Variants in ARMC2 observed in about 807,000 individuals in gnomAD.
ARMC2 encodes the protein armadillo repeat-containing protein 2.
In ARMC2, 67 loss-of-function variants were observed where a neutral mutation model predicts 90.3. The ratio of observed to expected loss-of-function variants is 0.74; its 90% confidence interval spans 0.61 to 0.91. ARMC2 has a LOEUF of 0.91. Among genes scored for constraint, ARMC2 ranks in the 40% least tolerant of loss-of-function variants. The probability of loss-of-function intolerance (pLI) is 0.00; values close to 1 mark genes in which losing one functional copy is unlikely to be tolerated. For synonymous variants in ARMC2, 393 were observed against 393.0 expected, an observed-to-expected ratio of 1.00 and a Z score of 0.00; for missense variants, 920 against 1,030.9, an observed-to-expected ratio of 0.89 and a Z score of 1.47.
the ARMC2 span, chr6:108,988,717 A>C: frequency 6.5e-7 from 1 of 1,543,662 alleles, no homozygotes; most frequent in Non-Finnish European, 8.8e-7. Flanking sequence ...GAATTATGAT[A>C]TTTTCAGTGT....
intron 4 of ARMC2, among the ~76,000 whole-genome samples, chr6:108,870,200 C>T (rs1333706056): frequency 6.6e-6 from 1 of 152,164 alleles, no homozygotes; most frequent in Admixed American, 6.5e-5. Context: ...CAGCCCCCAC[C>T]TGAGCATCAT....
chr6:109,038,330 TAAAAATACA>T, the ARMC2 span, among the ~76,000 whole-genome samples: 2 of 152,196 alleles, frequency 1.3e-5, no homozygotes, highest in African/African-American at 4.8e-5. Context: ...TCGTCTCTAC[TAAAAATACA>T]AAATTAGCTA....
intron 8 of ARMC2, among the ~76,000 whole-genome samples, chr6:108,908,764 AAGAG>A (rs772080818): frequency 1.6e-4 from 24 of 151,770 alleles, no homozygotes; most frequent in South Asian, 8.3e-4. Context: ...AAAAAAAGAA[AAGAG>A]AGAGAGAGAG....
chr6:109,003,517 C>A, the ARMC2 span, among the ~76,000 whole-genome samples: 7 of 152,008 alleles, frequency 4.6e-5, no homozygotes, highest in Non-Finnish European at 8.8e-5. Context: ...TATTAGGAGA[C>A]ATCAAGATTC....
the ARMC2 span, chr6:108,990,808 A>T: frequency 6.2e-7 from 1 of 1,614,032 alleles, no homozygotes; most frequent in Non-Finnish European, 8.5e-7. Flanking sequence ...TTTACCAAAG[A>T]ATAACCATGA....
Position 108,928,179 on chromosome 6 carries a change from T to A in ARMC2, c.1442T>A (p.Met481Lys), listed in dbSNP as rs768638704. 2.5e-6 allele frequency: 4 copies of A among 1,612,900 alleles called. No homozygotes were observed. The Admixed American group carries it at 6.7e-5, about 27-fold the overall frequency. Residue 481 changes from methionine (M) to lysine (K), a missense_variant, in exon 11 of 18, where the codon ATG becomes AAG. Physicochemically the swap from Met to Lys is moderately conservative, Grantham distance 95. Transcript: ENST00000392644. Reference protein sequence around the residue: ...ISALPQLCTAMEQYKGDKDVC... With the variant: ...ISALPQLCTAKEQYKGDKDVC... ...GCCCTTCCCCAGCTCTGCACGGCAATGGAACAGTACAAGGGTGACAAGGAC... is the reference window on the plus strand; with the variant it reads ...GCCCTTCCCCAGCTCTGCACGGCAAAGGAACAGTACAAGGGTGACAAGGAC...
At chr6:108,963,853 C>T (rs1778165590) in intron 15 of ARMC2, among the ~76,000 whole-genome samples, 1 of 152,168 alleles carries the variant, frequency 6.6e-6, no homozygotes, top group Non-Finnish European at 1.5e-5. Flanking sequence ...TAGGAACACC[C>T]TTGAGAATAA....
At chr6:108,925,063 C>T (rs992154119) in intron 10 of ARMC2, among the ~76,000 whole-genome samples, 11 of 152,178 alleles carry the variant, frequency 7.2e-5, no homozygotes, top group East Asian at 1.9e-4. Flanking sequence ...TTCTTTCATC[C>T]GTTATTTTTT....
intron 12 of ARMC2, among the ~76,000 whole-genome samples, chr6:108,943,645 T>A (rs553150868): frequency 7.9e-5 from 12 of 151,840 alleles, no homozygotes; most frequent in Admixed American, 3.3e-4. Flanking sequence ...ATGGTAAAAC[T>A]CTGTCTCTAC....
At chr6:108,856,479 C>G (rs1004326115) in intron 2 of ARMC2, 2 of 215,658 alleles carry the variant, frequency 9.3e-6, no homozygotes, top group African/African-American at 2.3e-5. Context: ...GAGACCTACC[C>G]ATTACCCTAG....
the ARMC2 span, among the ~76,000 whole-genome samples, chr6:109,052,444 C>T: frequency 1.3e-5 from 2 of 152,266 alleles, no homozygotes; most frequent in East Asian, 3.9e-4. Context: ...TTATAACACA[C>T]TGGTATATTT....
chr6:108,930,200 A>G (rs954859812), intron 11 of ARMC2, among the ~76,000 whole-genome samples: 9 of 151,652 alleles, frequency 5.9e-5, no homozygotes, highest in African/African-American at 2.2e-4. Flanking sequence ...TTGCATTGAT[A>G]GCTCTTTAAA....
chr6:108,989,583 A>C, the ARMC2 span, among the ~76,000 whole-genome samples: 1 of 151,302 alleles, frequency 6.6e-6, no homozygotes, highest in Non-Finnish European at 1.5e-5. Flanking sequence ...ATATCTATAT[A>C]TAGAGAGAGA....
At chr6:108,950,976 A>C (rs1167801417) in intron 12 of ARMC2, among the ~76,000 whole-genome samples, 1 of 152,162 alleles carries the variant, frequency 6.6e-6, no homozygotes, top group Non-Finnish European at 1.5e-5. Flanking sequence ...GTTTATTGCT[A>C]TTAGTTAGCA....
chr6:109,028,895 T>C, the ARMC2 span, among the ~76,000 whole-genome samples: 1 of 152,128 alleles, frequency 6.6e-6, no homozygotes, highest in African/African-American at 2.4e-5. Context: ...TGGTACAGGA[T>C]TGCGCATGGT....
Position 108,921,690 on chromosome 6 carries a change from C to T in ARMC2, c.1351-6398C>T, listed in dbSNP as rs577812590. ...CACAAGTTCAAAGAAATGAATCTGC[C>T]TTTATTAATAGAGGGAGATGGCTTA... is the stretch of plus-strand genomic sequence containing the variant. On this transcript the variant is annotated intron_variant, in intron 10 of 17. Coordinates refer to ENST00000392644, the MANE Select transcript of ARMC2 (RefSeq NM_032131.6). 3.3e-4 allele frequency among the ~76,000 whole-genome samples: 51 copies of T among 152,250 alleles called. 2 individuals carry two copies. The South Asian group carries it at 0.01, about 31-fold the overall frequency.
At chr6:108,961,146 G>A (rs1353321875) in intron 13 of ARMC2, among the ~76,000 whole-genome samples, 4 of 152,102 alleles carry the variant, frequency 2.6e-5, no homozygotes, top group African/African-American at 9.7e-5. Flanking sequence ...TCGTGACCCC[G>A]GGGCCGTTCT....
chr6:108,979,720 T>C, the ARMC2 span, among the ~76,000 whole-genome samples: 2 of 151,894 alleles, frequency 1.3e-5, no homozygotes, highest in South Asian at 4.1e-4. Flanking sequence ...TAATCTTGTT[T>C]TCTTGCTTTA....
intron 9 of ARMC2, among the ~76,000 whole-genome samples, chr6:108,911,809 A>G (rs1773465223): frequency 6.6e-6 from 1 of 152,178 alleles, no homozygotes; most frequent in Non-Finnish European, 1.5e-5. Flanking sequence ...GATTACTCGT[A>G]AAACCAAGTA....
Sources: allele counts gnomAD v4.1 joint callset (sites outside exome capture counted in the v4.1 genomes callset), GRCh38; gene constraint gnomAD v4.1.1; transcripts MANE v1.5; gene names NCBI Gene and HGNC (gene_info 2026-07-23, HGNC 2026-07-21).